GPA33: variants seen among roughly 807,000 people sequenced by gnomAD.
The protein encoded by GPA33 is glycoprotein A33.
In GPA33, 27 loss-of-function variants were observed where a neutral mutation model predicts 35.6. That is an observed-to-expected ratio of 0.76 (90% CI 0.56 to 1.04). The LOEUF (loss-of-function observed/expected upper bound fraction) is 1.04. Among genes scored for constraint, GPA33 ranks in the 50% least tolerant of loss-of-function variants. The pLI, the probability that GPA33 is intolerant of heterozygous loss-of-function variation, is 0.00. For missense variants in GPA33, 428 were observed against 411.9 expected (o/e 1.04, Z -0.34); for synonymous variants, 176 against 164.0 (o/e 1.07, Z -0.56).
At chr1:167,059,242 T>G (rs79578234) in intron 4 of GPA33, among the ~76,000 whole-genome samples, 2 of 152,132 alleles carry the variant, frequency 1.3e-5, no homozygotes, top group African/African-American at 4.8e-5. Context: ...TGATTCCGAG[T>G]TGGGGCTCCC....
At chr1:167,057,227 A>G (rs1332227328) in intron 4 of GPA33, among the ~76,000 whole-genome samples, 1 of 152,102 alleles carries the variant, frequency 6.6e-6, no homozygotes, top group Non-Finnish European at 1.5e-5. Context: ...AACGGACCAG[A>G]ATATCTCATG....
chr1:167,082,125 A>G (rs1390168888), intron 1 of GPA33: 1 of 395,010 alleles, frequency 2.5e-6, no homozygotes, highest in African/African-American at 2.1e-5. Context: ...ATAAGGGAAT[A>G]AAGCAGGATG....
chr1:167,059,291 A>C (rs2102172207), intron 4 of GPA33, among the ~76,000 whole-genome samples: 1 of 152,228 alleles, frequency 6.6e-6, no homozygotes, highest in South Asian at 2.1e-4. Context: ...GTAATTTCTG[A>C]TATCCGGAGA....
At chr1:167,073,633 G>T in intron 1 of GPA33, 94 bp from the exon 2 acceptor site, 1 of 1,117,478 alleles carries the variant, frequency 8.9e-7, no homozygotes, top group Non-Finnish European at 1.3e-6. Flanking sequence ...AATGTCCAGG[G>T]CTGTTCTTGC....
chr1:167,081,890 T>C (rs2102201470), intron 1 of GPA33, among the ~76,000 whole-genome samples: 1 of 152,342 alleles, frequency 6.6e-6, no homozygotes, highest in East Asian at 1.9e-4. Context: ...TAATAAGGCC[T>C]TGTTGATTGA....
chr1:167,081,301 T>A (rs1222324396), intron 1 of GPA33, among the ~76,000 whole-genome samples: 2 of 152,176 alleles, frequency 1.3e-5, no homozygotes, highest in African/African-American at 4.8e-5. Flanking sequence ...AACCACGTTC[T>A]TAGGGAGGAG....
chr1:167,056,711 T>TGTATGGTATGTGAGGG (rs1666286822), intron 4 of GPA33, among the ~76,000 whole-genome samples: 1 of 1,486 alleles, frequency 6.7e-4, no homozygotes, highest in Non-Finnish European at 1.3e-3. Context: ...GTGTGTGTAG[T>TGTATGGTATGTGAGGG]GTGTGTGTAG....
At position 167,054,214 on chromosome 1, in the gene GPA33, G is replaced by T; in HGVS notation, c.*120C>A. On this transcript the variant is annotated 3_prime_UTR_variant, in exon 7 of 7. Transcript: ENST00000367868. Reference sequence around the variant, plus strand: ...CCACAGCTGACACTGGGGAAGAAATGTCCCCATCAATGTCTGGGATGGAGG... The same window carrying T: ...CCACAGCTGACACTGGGGAAGAAATTTCCCCATCAATGTCTGGGATGGAGG... 7.9e-7 allele frequency: 1 copy of T among 1,273,640 alleles called. No individual in the cohort carries two copies. The highest frequency in any genetic ancestry group is 1.1e-6 in the Non-Finnish European group (1 of 905,636). The allele number at this position is 1,273,640 out of a possible 1,614,324, so 78.9% of individuals were successfully genotyped here.
chr1:167,057,213 A>C (rs1350659759), intron 4 of GPA33, among the ~76,000 whole-genome samples: 2 of 152,086 alleles, frequency 1.3e-5, no homozygotes, highest in African/African-American at 4.8e-5. Context: ...CCTGAATCGA[A>C]GAGAACGGAC....
chr1:167,056,598 T>TA (rs1287218132), intron 4 of GPA33, among the ~76,000 whole-genome samples: 3 of 46,474 alleles, frequency 6.5e-5, no homozygotes, highest in African/African-American at 1.6e-4. Flanking sequence ...TATGTGTGTA[T>TA]GTGGTGTGTG....
At chr1:167,065,560 T>C (rs948676214) in intron 3 of GPA33, among the ~76,000 whole-genome samples, 1 of 152,138 alleles carries the variant, frequency 6.6e-6, no homozygotes, top group Admixed American at 6.5e-5. Context: ...GCCCATTCTA[T>C]AATCCAGGTG....
chr1:167,071,694 G>T (rs755903474), intron 2 of GPA33, among the ~76,000 whole-genome samples: 3 of 152,132 alleles, frequency 2.0e-5, no homozygotes. Context: ...ATGCTGACTG[G>T]CTCTGCCCAG....
chr1:167,070,968 C>T (rs901201472), intron 2 of GPA33, among the ~76,000 whole-genome samples: 2 of 151,762 alleles, frequency 1.3e-5, no homozygotes, highest in African/African-American at 2.4e-5. Flanking sequence ...GTTCTCTTTA[C>T]GTGTGGGGTA....
intron 4 of GPA33, among the ~76,000 whole-genome samples, chr1:167,058,021 A>G (rs935501115): frequency 2.0e-5 from 3 of 152,194 alleles, no homozygotes; most frequent in Admixed American, 6.5e-5. Flanking sequence ...TAACACAGTG[A>G]AACCCCGTCT....
chr1:167,072,069 G>A (rs752015734), intron 2 of GPA33, among the ~76,000 whole-genome samples: 8 of 152,276 alleles, frequency 5.3e-5, no homozygotes, highest in East Asian at 1.9e-4. Flanking sequence ...GACTCTGGGA[G>A]CAGTCGGGAC....
At chr1:167,071,403 C>G (rs574913916) in intron 2 of GPA33, among the ~76,000 whole-genome samples, 1 of 152,266 alleles carries the variant, frequency 6.6e-6, no homozygotes, top group African/African-American at 2.4e-5. Flanking sequence ...TGTGGAGACC[C>G]GATGTCAAGT....
Position 167,054,400 on chromosome 1 carries a change from C to T in GPA33, c.894G>A (p.Glu298=), listed in dbSNP as rs373122976. 2.9e-4 allele frequency: 465 copies of T among 1,613,820 alleles called. No homozygotes were observed. Among genetic ancestry groups the T allele is most frequent in the Admixed American group, 4.8e-4 (29 of 59,992 alleles). Residue 298 remains glutamate (E), a synonymous_variant, in exon 7 of 7, where the codon GAG becomes GAA. Coordinates refer to ENST00000367868, the MANE Select transcript of GPA33 (RefSeq NM_005814.3). ...LRELSREREE[E]DDYRQEEQRS... ...TCTGCTCTTCTTGCCTGTAGTCATC[C>T]TCCTCCTCCCTCTCTCTGGAAAGTT... is the stretch of plus-strand genomic sequence containing the variant.
In GPA33 at chr1:167,072,812, T is replaced by A. The variant is rs183857104; in HGVS notation, c.198+573A>T. On this transcript the variant is annotated intron_variant, in intron 2 of 6. Coordinates refer to ENST00000367868, the MANE Select transcript of GPA33 (RefSeq NM_005814.3). ...AAATATACATATTCATATACGCAAA[T>A]ACATCTATAAAAACATATATCCATG... Among the ~76,000 whole-genome samples, 156 of 151,890 alleles carry A rather than the reference T, an allele frequency of 1.0e-3. 2 individuals carry two copies. The Middle Eastern group carries it at 0.02, about 20-fold the overall frequency.
At chr1:167,078,642 C>A (rs749755754) in intron 1 of GPA33, 1 of 152,250 alleles carries the variant, frequency 6.6e-6, no homozygotes, top group Non-Finnish European at 1.5e-5. Flanking sequence ...AACATCCCTT[C>A]GATACTTTAA....
Sources: allele counts gnomAD v4.1 joint callset (sites outside exome capture counted in the v4.1 genomes callset), GRCh38; gene constraint gnomAD v4.1.1; transcripts MANE v1.5; gene names NCBI Gene and HGNC (gene_info 2026-07-23, HGNC 2026-07-21).